Variants in NECAP1 observed in about 807,000 individuals in gnomAD.
The protein encoded by NECAP1 is NECAP endocytosis associated 1.
NECAP1 carries 13 observed loss-of-function variants against 33.4 expected under a neutral mutation model. The ratio of observed to expected loss-of-function variants is 0.39; its 90% confidence interval spans 0.25 to 0.62. The LOEUF is 0.62. Among genes scored for constraint, NECAP1 ranks in the 20% least tolerant of loss-of-function variants. NECAP1 has a pLI of 0.52. For synonymous variants in NECAP1, 109 were observed against 125.2 expected (o/e 0.87, Z 0.86); for missense variants, 272 against 347.4 (o/e 0.78, Z 1.73).
At chr12:8,094,193 G>A (rs1947574564) in intron 6 of NECAP1, among the ~76,000 whole-genome samples, 1 of 152,174 alleles carries the variant, frequency 6.6e-6, no homozygotes, top group Admixed American at 6.5e-5. Flanking sequence ...GTTGCCAGAA[G>A]CCACTGGGGA....
chr12:8,084,766 G>A (rs930359412), intron 1 of NECAP1, among the ~76,000 whole-genome samples: 1 of 152,114 alleles, frequency 6.6e-6, no homozygotes, highest in Non-Finnish European at 1.5e-5. Flanking sequence ...TTTTCTCCAG[G>A]CTAGACTGTG....
At chr12:8,083,714 C>A (rs1246304763) in intron 1 of NECAP1, among the ~76,000 whole-genome samples, 31 of 148,446 alleles carry the variant, frequency 2.1e-4, no homozygotes, top group African/African-American at 5.7e-4. Flanking sequence ...AGGCGTGACA[C>A]CACGCCCAGC....
intron 1 of NECAP1, among the ~76,000 whole-genome samples, chr12:8,083,645 G>A (rs532888834): frequency 3.0e-4 from 45 of 150,780 alleles, no homozygotes; most frequent in Non-Finnish European, 5.8e-4. Flanking sequence ...GGCCAGGCTG[G>A]TCTTGAACTC....
chr12:8,095,487 A>T, intron 6 of NECAP1, 114 bp from the exon 7 acceptor site: 1 of 624,598 alleles, frequency 1.6e-6, no homozygotes, highest in Non-Finnish European at 2.8e-6. Context: ...TGACCTCATG[A>T]TCCACCCGCC....
intron 1 of NECAP1, chr12:8,089,008 C>G (rs2120473008): frequency 6.6e-6 from 1 of 152,300 alleles, no homozygotes; most frequent in South Asian, 2.1e-4. Context: ...TCTTAATCTT[C>G]CTAATTTGCC....
At chr12:8,085,700 T>C (rs924452470) in intron 1 of NECAP1, among the ~76,000 whole-genome samples, 2 of 140,386 alleles carry the variant, frequency 1.4e-5, no homozygotes, top group South Asian at 4.6e-4. Context: ...TTTTTTTTTT[T>C]TTTTTTTTTT....
intron 6 of NECAP1, chr12:8,094,688 A>G (rs1947579970): frequency 6.6e-6 from 1 of 152,172 alleles, no homozygotes; most frequent in African/African-American, 2.4e-5. Flanking sequence ...CTGGCCTTGA[A>G]CTTCTGGACT....
intron 3 of NECAP1, chr12:8,091,135 T>C (rs1210262415): frequency 6.5e-6 from 1 of 153,068 alleles, no homozygotes; most frequent in Non-Finnish European, 1.5e-5. Context: ...TTATCGACTC[T>C]TGGTCTATGA....
intron 1 of NECAP1, among the ~76,000 whole-genome samples, chr12:8,086,928 TACACACACACACACAC>T (rs140539415): frequency 6.0e-4 from 87 of 143,840 alleles, no homozygotes; most frequent in African/African-American, 2.2e-3. Context: ...GAGACTCTAT[TACACACACACACACAC>T]ACACACACAC....
intron 1 of NECAP1, chr12:8,088,978 T>G (rs1393214787): frequency 1.3e-5 from 2 of 152,252 alleles, no homozygotes; most frequent in African/African-American, 4.8e-5. Context: ...TGCTACAACT[T>G]GTTCATTCTC....
Position 8,092,975 on chromosome 12 carries a change from C to A in NECAP1, c.596C>A (p.Pro199Gln), listed in dbSNP as rs749671158. 1.9e-6 allele frequency: 3 copies of A among 1,612,646 alleles called. No homozygotes were observed. Among genetic ancestry groups the A allele is most frequent in the South Asian group, 1.1e-5 (1 of 90,830 alleles). Residue 199 changes from proline (P) to glutamine (Q), a missense_variant, in exon 6 of 8, where the codon CCA (proline) becomes CAA (glutamine). By Grantham distance (76) the Pro-to-Gln change is moderately conservative. Transcript: ENST00000339754. ...PPPGGKVTIP[P>Q]PSSSVAISNH... ...CCAGGAGGCAAAGTCACTATTCCCC[C>A]ACCATCCTCCTCAGTTGCCATCAGC... is the stretch of plus-strand genomic sequence containing the variant.
rs1465757811 is a variant in NECAP1, at chr12:8,091,860, G to C, written c.383+10G>C. 9.3e-6 allele frequency: 15 copies of C among 1,610,348 alleles called. No homozygotes were observed. The highest frequency in any genetic ancestry group is 1.3e-5 in the African/African-American group (1 of 74,898). ...TGCAGGATCACTTCAAGTGAGTGAA[G>C]CTTGTCCTTAGTTACGAGGCTGAAT... On this transcript the variant is annotated intron_variant, in intron 4 of 7. Coordinates refer to ENST00000339754, the MANE Select transcript of NECAP1 (RefSeq NM_015509.4).
At chr12:8,092,529 C>G in intron 4 of NECAP1, 147 bp from the exon 5 acceptor site, 19 of 596,312 alleles carry the variant, frequency 3.2e-5, no homozygotes, top group Non-Finnish European at 3.5e-5. Flanking sequence ...TCTTTCTTGG[C>G]TTTTTTCCCT....
intron 6 of NECAP1, chr12:8,093,866 A>G (rs773653430): frequency 1.3e-5 from 2 of 152,378 alleles, no homozygotes; most frequent in African/African-American, 2.4e-5. Context: ...AGTAAATGTT[A>G]TTAAACTTTC....
At position 8,082,318 on chromosome 12, in the gene NECAP1, G is replaced by T. The variant is rs779218008; in HGVS notation, c.30G>T (p.Val10=). 3.7e-6 allele frequency: 6 copies of T among 1,613,270 alleles called. No homozygotes were observed. The highest frequency in any genetic ancestry group is 1.3e-5 in the African/African-American group (1 of 74,928). Reference sequence around the variant, plus strand: ...CGACCGAGTTGGAGTACGAGTCTGTGCTGTGTGTGAAGCCAGACGTCAGCG... The same window carrying T: ...CGACCGAGTTGGAGTACGAGTCTGTTCTGTGTGTGAAGCCAGACGTCAGCG... The part of the protein sequence containing the change: MATELEYES[V]LCVKPDVSVY... The change falls in exon 1 of 8, where the codon GTG becomes GTT. Residue 10 remains valine (V), a synonymous_variant. Coordinates refer to ENST00000339754, the MANE Select transcript of NECAP1 (RefSeq NM_015509.4).
rs776221234 is a variant in NECAP1 at position 8,095,670 on chromosome 12, A to G, written c.746A>G (p.Asn249Ser). The change falls in exon 7 of 8, where the codon AAT becomes AGT. Residue 249 changes from asparagine to serine, a missense_variant. Physicochemically the swap from Asn to Ser is conservative, Grantham distance 46. Coordinates refer to ENST00000339754, the MANE Select transcript of NECAP1 (RefSeq NM_015509.4). ...GCACCAACTCCAGTTTCTGTAAGCA[A>G]TGACTTGTGGGGAGACTTCAGCACT... Reference protein sequence around the residue: ...TPAPTPVSVSNDLWGDFSTAS... With the variant: ...TPAPTPVSVSSDLWGDFSTAS... 6.8e-6 allele frequency: 11 copies of G among 1,614,006 alleles called. No individual in the cohort carries two copies. Among genetic ancestry groups the G allele is most frequent in the East Asian group, 2.2e-5 (1 of 44,880 alleles).
At chr12:8,091,557 A>G (rs1947544070) in intron 3 of NECAP1, 7 of 563,096 alleles carry the variant, frequency 1.2e-5, no homozygotes, top group Non-Finnish European at 1.9e-5. Flanking sequence ...CTGAGAATCT[A>G]ATGCTGCCAC....
chr12:8,096,013 C>G (rs1305564176), intron 7 of NECAP1, 29 bp from the exon 8 acceptor site: 1 of 1,612,924 alleles, frequency 6.2e-7, no homozygotes, highest in African/African-American at 1.3e-5. Context: ...TATTATGTCT[C>G]TGGCTTTCTC....
intron 1 of NECAP1, 34 bp from the exon 2 acceptor site, chr12:8,089,902 C>T: frequency 1.3e-6 from 2 of 1,509,672 alleles, no homozygotes; most frequent in South Asian, 2.2e-5. Context: ...AAATTAAGGA[C>T]ATGTGCCTGA....
Sources: gnomAD v4.1 joint callset for allele counts (sites outside exome capture counted in the v4.1 genomes callset) on GRCh38, gnomAD v4.1.1 for gene constraint, MANE v1.5 for transcripts, NCBI Gene and HGNC (gene_info 2026-07-23, HGNC 2026-07-21) for gene names.